The following COL27A1 variants were observed in gnomAD, a reference collection of about 807,000 sequenced individuals.
COL27A1 encodes the protein collagen type XXVII alpha 1 chain.
In COL27A1, 106 loss-of-function variants were observed where a neutral mutation model predicts 251.3. That is an observed-to-expected ratio of 0.42 (90% CI 0.36 to 0.50). COL27A1 has a LOEUF of 0.50. COL27A1 is among the 20% of genes least tolerant of loss of function. The pLI is 0.00. For synonymous variants in COL27A1, 1,000 were observed against 986.3 expected, an observed-to-expected ratio of 1.01 and a Z score of -0.26; for missense variants, 2,325 against 2,522.8, an observed-to-expected ratio of 0.92 and a Z score of 1.68.
rs555649999 is a variant in COL27A1 at position 114,248,733 on chromosome 9, A to G, written c.2980-1882A>G. On this transcript the variant is annotated intron_variant, in intron 24 of 60. Transcript: ENST00000356083. Reference sequence around the variant, plus strand: ...GGCACTTGCTGTATGGCTCTTATTCATTAGGATCTTGTTTGGTTTCTTGTT... The same window carrying G: ...GGCACTTGCTGTATGGCTCTTATTCGTTAGGATCTTGTTTGGTTTCTTGTT... Among the ~76,000 whole-genome samples the G allele has an allele frequency of 7.9e-5, 12 of 152,280 alleles. No homozygotes were observed. In the South Asian group the frequency reaches 2.5e-3, roughly 32 times the overall value.
chr9:114,222,110 G>T (rs1466817841), intron 13 of COL27A1, 113 bp from the exon 14 acceptor site: 1 of 877,296 alleles, frequency 1.1e-6, no homozygotes, highest in African/African-American at 1.6e-5. Flanking sequence ...CAGGAATAAG[G>T]AGTGTTCAGC....
In COL27A1 at chr9:114,278,557, A is replaced by G. The variant is rs367988530; in HGVS notation, c.3717+2789A>G. Among the ~76,000 whole-genome samples, 908 of 119,718 alleles carry G rather than the reference A, an allele frequency of 7.6e-3. 8 individuals are homozygous for G. Among genetic ancestry groups the G allele is most frequent in the African/African-American group, 0.026 (751 of 29,214 alleles). 78.5% of individuals were successfully genotyped at this position (119,718 alleles called of 152,430 possible). ...TGGTAGTGATGGTAGTAGTGATGGC[A>G]GGGGAGTGATGATGGTGGTCATGGC... On this transcript the variant is annotated intron_variant, in intron 37 of 60. Transcript: ENST00000356083.
intron 57 of COL27A1, among the ~76,000 whole-genome samples, chr9:114,306,043 G>C (rs572055401): frequency 1.5e-4 from 23 of 151,694 alleles, no homozygotes; most frequent in Admixed American, 8.5e-4. Context: ...CTGAGCTGAA[G>C]TCCTCCTCCC....
chr9:114,227,366 T>C (rs573370966), intron 14 of COL27A1, among the ~76,000 whole-genome samples: 1 of 149,178 alleles, frequency 6.7e-6, no homozygotes, highest in South Asian at 2.2e-4. Context: ...GCATGGACTG[T>C]GGGGTCAGAC....
At chr9:114,277,527 T>A (rs1835584892) in intron 37 of COL27A1, among the ~76,000 whole-genome samples, 1 of 152,158 alleles carries the variant, frequency 6.6e-6, no homozygotes. Flanking sequence ...TGCAACAAAC[T>A]ATGGTTGTGG....
At chr9:114,243,375 A>T in intron 22 of COL27A1, 132 bp from the exon 23 acceptor site, 1 of 735,044 alleles carries the variant, frequency 1.4e-6, no homozygotes, top group Non-Finnish European at 2.4e-6. Context: ...ACTCAGGGTT[A>T]TATGCCCCTG....
intron 24 of COL27A1, among the ~76,000 whole-genome samples, chr9:114,248,437 A>G (rs1236229184): frequency 1.3e-5 from 2 of 152,180 alleles, no homozygotes; most frequent in Non-Finnish European, 2.9e-5. Flanking sequence ...TCTGTAGGCA[A>G]TGTGAGGACC....
chr9:114,217,503 T>C (rs1463750583), intron 12 of COL27A1, among the ~76,000 whole-genome samples: 1 of 152,204 alleles, frequency 6.6e-6, no homozygotes, highest in East Asian at 1.9e-4. Flanking sequence ...GTGAATATAT[T>C]GGGCATCACA....
chr9:114,284,871 T>G (rs1827348852), intron 41 of COL27A1, 94 bp downstream of exon 41: 2 of 1,399,396 alleles, frequency 1.4e-6, no homozygotes, highest in African/African-American at 2.8e-5. Context: ...GGGGTACCCA[T>G]GGCTGGAGAA....
chr9:114,168,795 G>T lies in COL27A1; in HGVS notation c.1240G>T (p.Val414Phe). 6.2e-7 allele frequency: 1 copy of T among 1,613,962 alleles called. No homozygotes were observed. The highest frequency in any genetic ancestry group is 8.5e-7 in the Non-Finnish European group (1 of 1,180,004). The part of the protein sequence containing the change: ...QKQVPPTSRP[V>F]PARVSRPAEK... ...GCAAGTGCCACCTACTTCCCGTCCA[G>T]TTCCTGCCAGAGTCTCCCGTCCCGC... The change falls in exon 3 of 61, where the codon GTT (valine) becomes TTT (phenylalanine). Residue 414 changes from valine to phenylalanine, a missense_variant. Around this residue, in one of 4 missense-constraint regions of COL27A1, gnomAD observed 1,183 missense variants for 1,144.1 expected, o/e 1.03. Coordinates refer to ENST00000356083, the MANE Select transcript of COL27A1 (RefSeq NM_032888.4).
At chr9:114,194,353 A>G in intron 5 of COL27A1, 51 bp from the exon 6 acceptor site, 2 of 1,572,736 alleles carry the variant, frequency 1.3e-6, no homozygotes, top group Non-Finnish European at 1.8e-6. Flanking sequence ...GGGGAGGCAG[A>G]CATCCTTTCT....
chr9:114,226,884 G>A (rs1043967817), intron 14 of COL27A1, among the ~76,000 whole-genome samples: 9 of 152,170 alleles, frequency 5.9e-5, no homozygotes, highest in Non-Finnish European at 1.3e-4. Flanking sequence ...ATAGGCACAC[G>A]CAGAAAGGAT....
intron 7 of COL27A1, among the ~76,000 whole-genome samples, chr9:114,204,263 C>T (rs143298827): frequency 2.6e-5 from 4 of 152,128 alleles, no homozygotes; most frequent in African/African-American, 7.2e-5. Context: ...GAGCTCCCTG[C>T]GTAAGAGGGT....
At chr9:114,214,074 G>A (rs984724728) in intron 12 of COL27A1, among the ~76,000 whole-genome samples, 10 of 152,124 alleles carry the variant, frequency 6.6e-5, no homozygotes. Context: ...GTACGTAATG[G>A]GACTTCACAT....
chr9:114,226,875 T>C (rs1831507043), intron 14 of COL27A1, among the ~76,000 whole-genome samples: 1 of 152,066 alleles, frequency 6.6e-6, no homozygotes, highest in Non-Finnish European at 1.5e-5. Context: ...GGTGGCCCCA[T>C]AGGCACACGC....
Position 114,284,464 on chromosome 9 carries a change from C to T in COL27A1, c.3934-260C>T, listed in dbSNP as rs187532801. On this transcript the variant is annotated intron_variant, in intron 40 of 60. Transcript: ENST00000356083. Reference sequence around the variant, plus strand: ...GCTGGGAGAACAAAGCTGGTTCTCCCGAGTCACCCTTCCAGGTCTGCTCCA... The same window carrying T: ...GCTGGGAGAACAAAGCTGGTTCTCCTGAGTCACCCTTCCAGGTCTGCTCCA... 9.9e-5 allele frequency among the ~76,000 whole-genome samples: 15 copies of T among 152,236 alleles called. 1 individual carries two copies. Among genetic ancestry groups the T allele is most frequent in the Admixed American group, 4.6e-4 (7 of 15,304 alleles).
intron 7 of COL27A1, among the ~76,000 whole-genome samples, chr9:114,199,024 A>G (rs1178640751): frequency 6.6e-6 from 1 of 152,226 alleles, no homozygotes; most frequent in Non-Finnish European, 1.5e-5. Context: ...GAAGCATCTG[A>G]AGAAGGTCTT....
intron 5 of COL27A1, 112 bp from the exon 6 acceptor site, chr9:114,194,292 A>T (rs1408233880): frequency 7.2e-6 from 7 of 974,982 alleles, no homozygotes; most frequent in Non-Finnish European, 1.2e-5. Context: ...GAGTGGGAGG[A>T]TGGATGGGAA....
upstream of COL27A1, among the ~76,000 whole-genome samples, chr9:114,154,348 C>A (rs370111900): frequency 1.8e-4 from 27 of 152,348 alleles, no homozygotes; most frequent in East Asian, 1.6e-3. The surrounding 1 kb of genome is among the most constrained non-coding windows in gnomAD (Gnocchi z 5.8). Flanking sequence ...GACCGACCGG[C>A]CAGCCTCGCA....
Sources: allele counts gnomAD v4.1 joint callset (sites outside exome capture counted in the v4.1 genomes callset), GRCh38; gene constraint gnomAD v4.1.1; regional missense constraint gnomAD v4.1.1; non-coding constraint Gnocchi (gnomAD v3.1); transcripts MANE v1.5; gene names NCBI Gene and HGNC (gene_info 2026-07-23, HGNC 2026-07-21).